Variants in LMTK3 observed in about 807,000 individuals in gnomAD.
The protein encoded by LMTK3 is lemur tail kinase 3, also known as serine/threonine-protein kinase LMTK3.
A neutral mutation model predicts 116.7 loss-of-function variants in LMTK3; 27 were observed. The ratio of observed to expected loss-of-function variants is 0.23; its 90% confidence interval spans 0.17 to 0.32. The LOEUF (loss-of-function observed/expected upper bound fraction) is 0.32. Ranked by LOEUF, LMTK3 falls within the 10% of genes least tolerant of loss-of-function variation. LMTK3 has a pLI of 1.00. For missense variants in LMTK3, 1,764 were observed against 2,068.5 expected, an observed-to-expected ratio of 0.85 and a Z score of 2.86; for synonymous variants, 965 against 971.0, an observed-to-expected ratio of 0.99 and a Z score of 0.11.
rs1334101070 is a variant in LMTK3 at position 48,491,524 on chromosome 19, C to T, written c.4108G>A (p.Glu1370Lys). Residue 1370 changes from glutamate to lysine, a missense_variant, in exon 13 of 15, where the codon GAG becomes AAG. Transcript: ENST00000600059. This position sits in a 1 kb window ranked among gnomAD's most constrained non-coding sequence, Gnocchi z 5.1. ...YLFDQETPTN[E>K]LSVQAPPEGD... Reference sequence around the variant, plus strand: ...TCGGGGGGGGCCTGGACGCTCAGCTCGTTGGTTGGCGTCTCCTGTGAAGGC... The same window carrying T: ...TCGGGGGGGGCCTGGACGCTCAGCTTGTTGGTTGGCGTCTCCTGTGAAGGC... 7.2e-7 allele frequency: 1 copy of T among 1,394,588 alleles called. No individual in the cohort carries two copies. The highest frequency in any genetic ancestry group is 9.4e-7 in the Non-Finnish European group (1 of 1,068,518). 86.4% of individuals were successfully genotyped at this position (1,394,588 alleles called of 1,614,324 possible).
At position 48,498,115 on chromosome 19, in the gene LMTK3, C is replaced by A; in HGVS notation, c.2954G>T (p.Gly985Val). The part of the protein sequence containing the change: ...ENGELRSPEA[G>V]EKVLVNGGLT... The stretch of plus-strand genomic sequence containing the variant: ...GCCCCCATTCACCAGCACCTTCTCC[C>A]CGGCCTCTGGGGACCTCAGCTCCCC... The change falls in exon 11 of 15, where the codon GGG becomes GTG. Residue 985 changes from glycine (G) to valine (V), a missense_variant. This residue lies in a region of LMTK3 where 1,028 missense variants were observed against 1,050.6 expected (regional missense o/e 0.98). Coordinates refer to ENST00000600059, the MANE Select transcript of LMTK3 (RefSeq NM_001388485.1). 6 of 1,613,460 alleles carry A rather than the reference C, an allele frequency of 3.7e-6. No homozygotes were observed. The highest frequency in any genetic ancestry group is 5.1e-6 in the Non-Finnish European group (6 of 1,179,794).
In LMTK3 at chr19:48,485,679, G is replaced by A; in HGVS notation, c.*94C>T. ...AGCCTCGGGGGCCTCCCCAGAGGCG[G>A]CGTCTGCGGTGGTGGCAGTGGCGCC... On this transcript the variant is annotated 3_prime_UTR_variant, in exon 15 of 15. Coordinates refer to ENST00000600059, the MANE Select transcript of LMTK3 (RefSeq NM_001388485.1). 1 of 1,405,572 alleles carries A rather than the reference G, an allele frequency of 7.1e-7. No homozygotes were observed. The highest frequency in any genetic ancestry group is 9.9e-7 in the Non-Finnish European group (1 of 1,013,438). The allele number at this position is 1,405,572 out of a possible 1,614,324, so 87.1% of individuals were successfully genotyped here.
chr19:48,498,038 A>C lies in LMTK3; in HGVS notation c.3031T>G (p.Phe1011Val). ...DKVSENGGLR[F>V]PRNTERPPET... ...GGTGGCCTCTCCGTGTTCCTGGGGA[A>C]TCTCAGGCCCCCATTCTCTGACACC... is the stretch of plus-strand genomic sequence containing the variant. Residue 1011 changes from phenylalanine (F) to valine (V), a missense_variant, in exon 11 of 15, where the codon TTC (phenylalanine) becomes GTC (valine). This residue lies in a region of LMTK3 where 1,028 missense variants were observed against 1,050.6 expected (regional missense o/e 0.98). Transcript: ENST00000600059. 1 of 1,611,732 alleles carries C rather than the reference A, an allele frequency of 6.2e-7. No homozygotes were observed. Among genetic ancestry groups the C allele is most frequent in the South Asian group, 1.1e-5 (1 of 91,004 alleles).
chr19:48,505,103 CTTT>C (rs33927563), intron 5 of LMTK3, among the ~76,000 whole-genome samples: 2 of 55,582 alleles, frequency 3.6e-5, no homozygotes, highest in African/African-American at 1.7e-4. Context: ...CTCTCTCTCT[CTTT>C]TTTTTTTTTT....
chr19:48,513,084 A>T, upstream of LMTK3: 1 of 1,429,652 alleles, frequency 7.0e-7, no homozygotes, highest in Non-Finnish European at 9.7e-7. This position sits in a 1 kb window ranked among gnomAD's most constrained non-coding sequence, Gnocchi z 5.6. Context: ...AAAGAGTCAC[A>T]CACCCACAAC....
intron 14 of LMTK3, among the ~76,000 whole-genome samples, chr19:48,488,889 G>A (rs773466127): frequency 3.9e-5 from 6 of 152,070 alleles, no homozygotes; most frequent in Non-Finnish European, 5.9e-5. Flanking sequence ...ACAGGCATGC[G>A]CCACCATACC....
rs1186603554 is a variant in LMTK3, at chr19:48,494,734, G to A, written c.3677-625C>T. 2.0e-4 allele frequency among the ~76,000 whole-genome samples: 30 copies of A among 152,196 alleles called. 1 individual carries two copies. Among genetic ancestry groups the A allele is most frequent in the Admixed American group, 1.9e-3 (29 of 15,280 alleles). The stretch of plus-strand genomic sequence containing the variant: ...CTGCCCTTTCTGAGCTGATGGCAGG[G>A]GCAAGAGGAGGGTGGAGGTGGGGCA... On this transcript the variant is annotated intron_variant, in intron 11 of 14. Coordinates refer to ENST00000600059, the MANE Select transcript of LMTK3 (RefSeq NM_001388485.1). This position sits in a 1 kb window ranked among gnomAD's most constrained non-coding sequence, Gnocchi z 4.0.
intron 12 of LMTK3, among the ~76,000 whole-genome samples, chr19:48,492,426 A>G (rs1322953549): frequency 1.3e-5 from 2 of 152,098 alleles, no homozygotes; most frequent in African/African-American, 4.8e-5. Context: ...ACCTCAAGTG[A>G]TCCTCCCGCC....
rs772177146 is a variant in LMTK3, at chr19:48,498,198, T to C, written c.2871A>G (p.Lys957=). 1 of 1,612,844 alleles carries C rather than the reference T, an allele frequency of 6.2e-7. No individual in the cohort carries two copies. Reference sequence around the variant, plus strand: ...GTGTCAGCTCCCCATTCTCCAGCACTTTCTCTTCTCTCTCGGGGGACCCCA... The same window carrying C: ...GTGTCAGCTCCCCATTCTCCAGCACCTTCTCTTCTCTCTCGGGGGACCCCA... ...GALGSPEREE[K]VLENGELTPP... Residue 957 remains lysine (K), a synonymous_variant, in exon 11 of 15, where the codon AAA becomes AAG. Coordinates refer to ENST00000600059, the MANE Select transcript of LMTK3 (RefSeq NM_001388485.1).
At chr19:48,513,372 C>CG (rs528412901), upstream of LMTK3, 595 of 612,218 alleles carry the variant, frequency 9.7e-4, 2 homozygotes, top group Admixed American at 2.3e-3. This position sits in a 1 kb window ranked among gnomAD's most constrained non-coding sequence, Gnocchi z 5.6. Context: ...AGGCACAGCG[C>CG]GGGGTAGTCA....
Position 48,500,616 on chromosome 19 carries a change from C to T in LMTK3, c.1151+380G>A, listed in dbSNP as rs1013559239. ...TGGGCTGGGGAGCTGGGTATTGAGA[C>T]CCAAAGAAGCAGGGGTGGGGGGAAG... On this transcript the variant is annotated intron_variant, in intron 10 of 14. Coordinates refer to ENST00000600059, the MANE Select transcript of LMTK3 (RefSeq NM_001388485.1). The surrounding 1 kb of genome is among the most constrained non-coding windows in gnomAD (Gnocchi z 4.0). Among the ~76,000 whole-genome samples the T allele has an allele frequency of 1.3e-5, 2 of 151,960 alleles. No individual in the cohort carries two copies. The highest frequency in any genetic ancestry group is 4.8e-5 in the African/African-American group (2 of 41,358).
In LMTK3 at chr19:48,497,785, G is replaced by C. The variant is rs776610165; in HGVS notation, c.3284C>G (p.Thr1095Ser). ...EPGTERRAPE[T>S]GGAPRAPGAG... ...CCCTGGGGCTCTCGGCGCCCCCCCA[G>C]TCTCGGGGGCTCTCCTCTCGGTCCC... Residue 1095 changes from threonine (T) to serine (S), a missense_variant, in exon 11 of 15, where the codon ACT becomes AGT. Thr to Ser is a moderately conservative substitution (Grantham distance 58, BLOSUM62 1). Around this residue, in one of 7 missense-constraint regions of LMTK3, gnomAD observed 1,028 missense variants for 1,050.6 expected, o/e 0.98. Transcript: ENST00000600059. The surrounding 1 kb of genome is among the most constrained non-coding windows in gnomAD (Gnocchi z 5.7). The C allele has an allele frequency of 4.9e-5, 67 of 1,365,722 alleles. No individual in the cohort carries two copies. The highest frequency in any genetic ancestry group is 6.3e-5 in the Non-Finnish European group (67 of 1,065,192). The allele number at this position is 1,365,722 out of a possible 1,614,324, so 84.6% of individuals were successfully genotyped here. A position where few individuals can be genotyped will look rare whatever the true frequency, so the allele number is the denominator to read the frequency against.
chr19:48,502,542 C>CG lies in LMTK3; in HGVS notation c.684dup (p.Glu229ArgfsTer6), dbSNP rs1316423512. 2 of 1,585,976 alleles carry CG rather than the reference C, an allele frequency of 1.3e-6. No homozygotes were observed. On this transcript the variant is annotated frameshift_variant, in exon 7 of 15. Transcript: ENST00000600059. LOFTEE classifies it high-confidence loss of function. The stretch of plus-strand genomic sequence containing the variant: ...GGGGGTAGCTCAGGGGACAGGCCCT[C>CG]GGGGGGCCGCTGGGCTCGGAGGTAA...
Position 48,498,062 on chromosome 19 carries a change from C to T in LMTK3, c.3007G>A (p.Val1003Met), listed in dbSNP as rs1972369124. 9 of 1,612,954 alleles carry T rather than the reference C, an allele frequency of 5.6e-6. No homozygotes were observed. The highest frequency in any genetic ancestry group is 6.8e-6 in the Non-Finnish European group (8 of 1,179,786). Reference sequence around the variant, plus strand: ...AATCTCAGGCCCCCATTCTCTGACACCTTGTCCTCGCTCTTTGGGGGTGTC... The same window carrying T: ...AATCTCAGGCCCCCATTCTCTGACATCTTGTCCTCGCTCTTTGGGGGTGTC... ...GLTPPKSEDKVSENGGLRFPR... is the reference protein window; with the variant it reads ...GLTPPKSEDKMSENGGLRFPR... Residue 1003 changes from valine to methionine, a missense_variant, in exon 11 of 15, where the codon GTG (valine) becomes ATG (methionine). This residue lies in a region of LMTK3 where 1,028 missense variants were observed against 1,050.6 expected (regional missense o/e 0.98). Coordinates refer to ENST00000600059, the MANE Select transcript of LMTK3 (RefSeq NM_001388485.1).
At position 48,497,359 on chromosome 19, in the gene LMTK3, C is replaced by A; in HGVS notation, c.3676+34G>T. 6.9e-7 allele frequency: 1 copy of A among 1,440,526 alleles called. No individual in the cohort carries two copies. The highest frequency in any genetic ancestry group is 2.7e-5 in the East Asian group (1 of 36,448). The allele number at this position is 1,440,526 out of a possible 1,614,324, so 89.2% of individuals were successfully genotyped here. A position where few individuals can be genotyped will look rare whatever the true frequency, so the allele number is the denominator to read the frequency against. On this transcript the variant is annotated intron_variant, in intron 11 of 14. Coordinates refer to ENST00000600059, the MANE Select transcript of LMTK3 (RefSeq NM_001388485.1). This position sits in a 1 kb window ranked among gnomAD's most constrained non-coding sequence, Gnocchi z 5.7. ...TCCGCACGCCTCGGAAACAGCCGGA[C>A]CTCAGCCCTGACTGTGCCCCGCAGC... is the stretch of plus-strand genomic sequence containing the variant.
At chr19:48,510,232 G>T in intron 2 of LMTK3, 59 bp from the exon 3 acceptor site, 1 of 1,558,696 alleles carries the variant, frequency 6.4e-7, no homozygotes. Flanking sequence ...ACACGCCATC[G>T]TCTTTCTCTT....
chr19:48,510,434 A>T (rs199767167), intron 2 of LMTK3, 25 bp downstream of exon 2: 4 of 1,584,486 alleles, frequency 2.5e-6, no homozygotes, highest in Non-Finnish European at 3.4e-6. Context: ...TTCCTCCCCA[A>T]GTTGAATCCC....
intron 6 of LMTK3, 120 bp downstream of exon 6, chr19:48,502,789 C>A: frequency 1.1e-6 from 1 of 873,288 alleles, no homozygotes; most frequent in Non-Finnish European, 1.8e-6. Context: ...AATGTTAGCG[C>A]ATGCCACACA....
At position 48,498,946 on chromosome 19, in the gene LMTK3, G is replaced by T; in HGVS notation, c.2123C>A (p.Ser708Tyr). The T allele has an allele frequency of 7.7e-7, 1 of 1,294,246 alleles. No homozygotes were observed. Among genetic ancestry groups the T allele is most frequent in the African/African-American group, 1.6e-5 (1 of 64,454 alleles). The allele number at this position is 1,294,246 out of a possible 1,614,324, so 80.2% of individuals were successfully genotyped here. A position where few individuals can be genotyped will look rare whatever the true frequency, so the allele number is the denominator to read the frequency against. ...LGCPHPPEDD[S>Y]SLRAERGSLA... The stretch of plus-strand genomic sequence containing the variant: ...GGAGCCCCGCTCTGCCCGCAGCGAG[G>T]AGTCGTCCTCGGGGGGGTGGGGGCA... The change falls in exon 11 of 15, where the codon TCC becomes TAC. Residue 708 changes from serine to tyrosine, a missense_variant. Ser to Tyr is a moderately radical substitution (Grantham distance 144). This residue lies in a region of LMTK3 where 1,028 missense variants were observed against 1,050.6 expected (regional missense o/e 0.98). Transcript: ENST00000600059.
Sources: gnomAD v4.1 joint callset for allele counts (sites outside exome capture counted in the v4.1 genomes callset) on GRCh38, gnomAD v4.1.1 for gene constraint, gnomAD v4.1.1 regional missense constraint, Gnocchi (gnomAD v3.1) non-coding constraint, MANE v1.5 for transcripts, NCBI Gene and HGNC (gene_info 2026-07-23, HGNC 2026-07-21) for gene names.